NIBAN1: variants seen among roughly 807,000 people sequenced by gnomAD.
NIBAN1 encodes protein Niban 1.
A neutral mutation model predicts 75.1 loss-of-function variants in NIBAN1; 81 were observed. That is an observed-to-expected ratio of 1.08 (90% CI 0.90 to 1.30). NIBAN1 has a LOEUF of 1.30. NIBAN1 is among the 50% of genes most tolerant of loss of function. The pLI, the probability that NIBAN1 is intolerant of heterozygous loss-of-function variation, is 0.00. For synonymous variants in NIBAN1, 436 were observed against 424.8 expected (o/e 1.03, Z -0.32); for missense variants, 1,133 against 1,128.1 (o/e 1.00, Z -0.06).
chr1:184,818,647 C>G lies in NIBAN1; in HGVS notation c.1164G>C (p.Gln388His). 1 of 1,602,484 alleles carries G rather than the reference C, an allele frequency of 6.2e-7. No homozygotes were observed. The highest frequency in any genetic ancestry group is 1.1e-5 in the South Asian group (1 of 89,822). Residue 388 changes from glutamine (Q) to histidine (H), a missense_variant, in exon 9 of 14, where the codon CAG becomes CAC. Gln to His is a conservative substitution (Grantham distance 24). Coordinates refer to ENST00000367511, the MANE Select transcript of NIBAN1 (RefSeq NM_052966.4). ...CAGCTTTGTATCCTACCTCCTTTAG[C>G]TGGACACTGTCTTTGGTGGTCTGGA... ...QNFQTTKDSVQLKEHLDRLMN... is the reference protein window; with the variant it reads ...QNFQTTKDSVHLKEHLDRLMN...
intron 1 of NIBAN1, among the ~76,000 whole-genome samples, chr1:184,916,081 C>T (rs953021761): frequency 6.6e-6 from 1 of 152,188 alleles, no homozygotes; most frequent in African/African-American, 2.4e-5. Context: ...GGGATTCTTC[C>T]AGATCACTTG....
Position 184,798,077 on chromosome 1 carries a change from AC to A in NIBAN1, c.1666+1del. 2 of 1,603,168 alleles carry A rather than the reference AC, an allele frequency of 1.2e-6. No homozygotes were observed. Among genetic ancestry groups the A allele is most frequent in the Non-Finnish European group, 1.7e-6 (2 of 1,171,626 alleles). On this transcript the variant is annotated splice_donor_variant, in intron 13 of 13. Transcript: ENST00000367511. LOFTEE classifies it high-confidence loss of function. Reference sequence around the variant, plus strand: ...CCTGCAGCACCAGGTAACCTTTCTTACCTTTCAGAGTTTCATCAAGCAGGAT... The same window carrying A: ...CCTGCAGCACCAGGTAACCTTTCTTACTTTCAGAGTTTCATCAAGCAGGAT...
At chr1:184,807,024 T>G (rs1386886095) in intron 10 of NIBAN1, among the ~76,000 whole-genome samples, 1 of 152,118 alleles carries the variant, frequency 6.6e-6, no homozygotes, top group Non-Finnish European at 1.5e-5. Flanking sequence ...CCCGCCTCGG[T>G]CTCCCAAAAT....
intron 1 of NIBAN1, among the ~76,000 whole-genome samples, chr1:184,900,170 C>T (rs184957475): frequency 5.4e-4 from 82 of 152,304 alleles, no homozygotes; most frequent in Non-Finnish European, 9.6e-4. Flanking sequence ...TTGTGACTCA[C>T]AGTCCTGGAT....
chr1:184,914,913 G>A (rs766896752), intron 1 of NIBAN1, among the ~76,000 whole-genome samples: 20 of 151,940 alleles, frequency 1.3e-4, no homozygotes, highest in African/African-American at 4.1e-4. Context: ...TAGTAGAGAC[G>A]GGTTTTCACC....
At chr1:184,918,924 T>C (rs1236847281) in intron 1 of NIBAN1, among the ~76,000 whole-genome samples, 2 of 152,116 alleles carry the variant, frequency 1.3e-5, no homozygotes, top group Non-Finnish European at 2.9e-5. Flanking sequence ...TCCTCCACCA[T>C]TGGAATAAAG....
intron 1 of NIBAN1, among the ~76,000 whole-genome samples, chr1:184,914,405 T>C (rs539604712): frequency 6.6e-6 from 1 of 152,278 alleles, no homozygotes; most frequent in African/African-American, 2.4e-5. Flanking sequence ...CTAACAAATG[T>C]GGTGTCTACT....
At position 184,795,739 on chromosome 1, in the gene NIBAN1, T is replaced by A; in HGVS notation, c.2025A>T (p.Gly675=). ...VNPVATEDTA[G]LPGTCSSELE... is the part of the protein sequence containing the mutation. Reference sequence around the variant, plus strand: ...GCTCTGATGAGCATGTGCCCGGGAGTCCTGCTGTGTCCTCTGTTGCCACAG... The same window carrying A: ...GCTCTGATGAGCATGTGCCCGGGAGACCTGCTGTGTCCTCTGTTGCCACAG... Residue 675 remains glycine, a synonymous_variant, in exon 14 of 14, where the codon GGA becomes GGT. Transcript: ENST00000367511. 6.2e-7 allele frequency: 1 copy of A among 1,612,208 alleles called. No homozygotes were observed. The highest frequency in any genetic ancestry group is 8.5e-7 in the Non-Finnish European group (1 of 1,178,910).
rs142990532 is a variant in NIBAN1 at position 184,920,862 on chromosome 1, G to A, written c.56-21553C>T. On this transcript the variant is annotated intron_variant, in intron 1 of 13. Coordinates refer to ENST00000367511, the MANE Select transcript of NIBAN1 (RefSeq NM_052966.4). ...TAAAAATATATTTGTAGGCAGGCACGGTGGCTCACGCCTGTAATCCAAGCA... is the reference window on the plus strand; with the variant it reads ...TAAAAATATATTTGTAGGCAGGCACAGTGGCTCACGCCTGTAATCCAAGCA... Among the ~76,000 whole-genome samples, 567 of 152,164 alleles carry A rather than the reference G, an allele frequency of 3.7e-3. 6 individuals carry two copies. The highest frequency in any genetic ancestry group is 0.027 in the South Asian group (129 of 4,820).
At chr1:184,826,027 C>G (rs1654832299) in intron 6 of NIBAN1, among the ~76,000 whole-genome samples, 1 of 152,200 alleles carries the variant, frequency 6.6e-6, no homozygotes, top group Non-Finnish European at 1.5e-5. Context: ...TTGATCTTGC[C>G]TTTAATCAGG....
chr1:184,795,099 G>T lies in NIBAN1; in HGVS notation c.2665C>A (p.His889Asn). 6.2e-7 allele frequency: 1 copy of T among 1,614,108 alleles called. No homozygotes were observed. The highest frequency in any genetic ancestry group is 8.5e-7 in the Non-Finnish European group (1 of 1,180,040). The part of the protein sequence containing the change: ...NAEEIKVARI[H>N]ECQWVVEDAP... ...TCCTCCACCACCCACTGACACTCATGAATACGGGCTACCTTGATCTCCTCT... is the reference window on the plus strand; with the variant it reads ...TCCTCCACCACCCACTGACACTCATTAATACGGGCTACCTTGATCTCCTCT... Residue 889 changes from histidine (H) to asparagine (N), a missense_variant, in exon 14 of 14, where the codon CAT becomes AAT. His to Asn is a moderately conservative substitution (Grantham distance 68, BLOSUM62 1). Transcript: ENST00000367511.
chr1:184,892,374 C>T (rs1049231711), intron 3 of NIBAN1, among the ~76,000 whole-genome samples: 3 of 152,138 alleles, frequency 2.0e-5, no homozygotes, highest in Admixed American at 6.6e-5. Flanking sequence ...AGGTATGAGT[C>T]AAAGCCCATA....
chr1:184,960,229 T>A (rs577654757), intron 1 of NIBAN1, among the ~76,000 whole-genome samples: 1 of 152,308 alleles, frequency 6.6e-6, no homozygotes, highest in Non-Finnish European at 1.5e-5. Flanking sequence ...TAAATTTAAA[T>A]AAGAATTTTA....
chr1:184,795,304 G>A lies in NIBAN1; in HGVS notation c.2460C>T (p.Cys820=), dbSNP rs1240114494. ...CTCTTCCTTCATGGGCAGTGAGTGT[G>A]CAGGCCTCTCCTGGGAGCTCCCCCT... ...PMEGELPGEA[C]TLTAHEGRGG... Residue 820 remains cysteine (C), a synonymous_variant, in exon 14 of 14, where the codon TGC becomes TGT. Coordinates refer to ENST00000367511, the MANE Select transcript of NIBAN1 (RefSeq NM_052966.4). 3 of 1,612,396 alleles carry A rather than the reference G, an allele frequency of 1.9e-6. No homozygotes were observed. The highest frequency in any genetic ancestry group is 1.7e-5 in the Admixed American group (1 of 60,020).
intron 4 of NIBAN1, among the ~76,000 whole-genome samples, chr1:184,886,189 T>G (rs1272827504): frequency 6.6e-6 from 1 of 152,234 alleles, no homozygotes; most frequent in Non-Finnish European, 1.5e-5. Flanking sequence ...CACATCCCAC[T>G]GCCACCAGAG....
chr1:184,960,281 C>T (rs141753333), intron 1 of NIBAN1, among the ~76,000 whole-genome samples: 40 of 152,230 alleles, frequency 2.6e-4, no homozygotes, highest in African/African-American at 7.5e-4. Context: ...ACTTTATTTT[C>T]CAAGGCACCA....
At chr1:184,966,610 G>A (rs926774854) in intron 1 of NIBAN1, among the ~76,000 whole-genome samples, 1 of 152,188 alleles carries the variant, frequency 6.6e-6, no homozygotes, top group African/African-American at 2.4e-5. Flanking sequence ...CTAGAACTGG[G>A]ACGGGGCACA....
intron 8 of NIBAN1, among the ~76,000 whole-genome samples, chr1:184,822,010 G>A (rs111591329): frequency 0.055 from 8,372 of 152,222 alleles, 274 homozygotes; most frequent in Middle Eastern, 0.088. Context: ...AAAGCCGACA[G>A]CCCCGAGACT....
At chr1:184,835,451 G>T (rs920967847) in intron 5 of NIBAN1, among the ~76,000 whole-genome samples, 1 of 152,160 alleles carries the variant, frequency 6.6e-6, no homozygotes, top group Non-Finnish European at 1.5e-5. Flanking sequence ...CCATTTTCAT[G>T]ATATTCTTTC....
Sources: gnomAD v4.1 joint callset for allele counts (sites outside exome capture counted in the v4.1 genomes callset) on GRCh38, gnomAD v4.1.1 for gene constraint, MANE v1.5 for transcripts, NCBI Gene and HGNC (gene_info 2026-07-23, HGNC 2026-07-21) for gene names.